The following ASH1L variants were observed in gnomAD, a reference collection of about 807,000 sequenced individuals.
ASH1L encodes the protein histone-lysine N-methyltransferase ASH1L.
ASH1L carries 23 observed loss-of-function variants against 269.0 expected under a neutral mutation model. The observed-to-expected ratio is 0.09, with a 90% CI of 0.06 to 0.12. The LOEUF (loss-of-function observed/expected upper bound fraction) is 0.12. Ranked by LOEUF, ASH1L falls within the 10% of genes least tolerant of loss-of-function variation. The probability of loss-of-function intolerance (pLI) is 1.00; values close to 1 mark genes in which losing one functional copy is unlikely to be tolerated. For synonymous variants in ASH1L, 1,187 were observed against 1,253.5 expected (o/e 0.95, Z 1.12); for missense variants, 2,912 against 3,567.8 (o/e 0.82, Z 4.68).
At chr1:155,339,648 A>G (rs1442819112) in intron 25 of ASH1L, among the ~76,000 whole-genome samples, 1 of 152,190 alleles carries the variant, frequency 6.6e-6, no homozygotes, top group African/African-American at 2.4e-5. Flanking sequence ...ATACGGGGAT[A>G]TGTTCTGAGA....
chr1:155,498,554 C>A (rs1324623836), intron 2 of ASH1L, among the ~76,000 whole-genome samples: 2 of 151,868 alleles, frequency 1.3e-5, no homozygotes, highest in Admixed American at 6.6e-5. Context: ...CGATTCTCCT[C>A]CCTCAGCCTT....
In ASH1L at chr1:155,378,563, G is replaced by A. The variant is rs762689467; in HGVS notation, c.6178-15C>T. On this transcript the variant is annotated splice_polypyrimidine_tract_variant and intron_variant, in intron 8 of 27. Coordinates refer to ENST00000392403, the MANE Select transcript of ASH1L (RefSeq NM_018489.3). ...TTTTTGTATAGCTAGAAGAAAAGAA[G>A]AAAAATCTTGATATAGCATTTAACT... The A allele has an allele frequency of 1.3e-6, 2 of 1,599,094 alleles. No individual in the cohort carries two copies. Among genetic ancestry groups the A allele is most frequent in the Admixed American group, 1.7e-5 (1 of 57,924 alleles).
chr1:155,372,293 G>GT (rs71589997), intron 10 of ASH1L, among the ~76,000 whole-genome samples: 15,631 of 139,666 alleles, frequency 0.11, 1,043 homozygotes, highest in Non-Finnish European at 0.17. Flanking sequence ...TGCCCAGCCA[G>GT]TTTTTTTTTT....
chr1:155,448,888 A>T (rs1475075884), intron 4 of ASH1L, among the ~76,000 whole-genome samples: 1 of 151,734 alleles, frequency 6.6e-6, no homozygotes, highest in Non-Finnish European at 1.5e-5. Context: ...GGTGTTTAAT[A>T]ATCTCAGCTA....
intron 4 of ASH1L, among the ~76,000 whole-genome samples, chr1:155,458,717 A>AAACCAACC (rs373281175): frequency 0.01 from 1,537 of 150,740 alleles, 14 homozygotes; most frequent in African/African-American, 0.023. Context: ...ACTCATCTCA[A>AAACCAACC]AACCAACCAA....
At chr1:155,411,751 T>A (rs1467365746) in intron 6 of ASH1L, among the ~76,000 whole-genome samples, 1 of 150,420 alleles carries the variant, frequency 6.6e-6, no homozygotes, top group East Asian at 2.0e-4. Flanking sequence ...TTCACCTACC[T>A]AAGGCAGGAC....
intron 14 of ASH1L, 23 bp from the exon 15 acceptor site, chr1:155,357,433 T>C: frequency 6.2e-7 from 1 of 1,602,760 alleles, no homozygotes; most frequent in Non-Finnish European, 8.5e-7. Flanking sequence ...TGGATCAGAT[T>C]AGAGATTTAA....
chr1:155,527,022 C>G (rs186929906), intron 1 of ASH1L, among the ~76,000 whole-genome samples: 1 of 152,178 alleles, frequency 6.6e-6, no homozygotes, highest in East Asian at 1.9e-4. Flanking sequence ...GCTTGGCCAA[C>G]GTGGTGAAAC....
rs1322454493 is a variant in ASH1L, at chr1:155,562,604, G to A, written c.-551C>T. On this transcript the variant is annotated 5_prime_UTR_variant, in exon 1 of 28. Transcript: ENST00000392403. ...GTCCGCGTAGCGCGCACGCCCGCCC[G>A]CACGCGTACGAGTGTCTACGGGCTC... 1.3e-6 allele frequency: 2 copies of A among 1,527,936 alleles called. No individual in the cohort carries two copies. Among genetic ancestry groups the A allele is most frequent in the Admixed American group, 4.0e-5 (2 of 50,612 alleles). 94.6% of individuals were successfully genotyped at this position (1,527,936 alleles called of 1,614,324 possible).
At chr1:155,433,836 A>ATG (rs1387191153) in intron 5 of ASH1L, 1 of 1,606,850 alleles carries the variant, frequency 6.2e-7, no homozygotes, top group Admixed American at 1.7e-5. Flanking sequence ...AATCTTCAGG[A>ATG]GACATGCAAA....
At position 155,481,196 on chromosome 1, in the gene ASH1L, T is replaced by C; in HGVS notation, c.1674A>G (p.Pro558=). ...AAGGATTAACAGATACAGTAGGTGATGGGGAAGGGAGATTGCTTTCTCCTA... is the reference window on the plus strand; with the variant it reads ...AAGGATTAACAGATACAGTAGGTGACGGGGAAGGGAGATTGCTTTCTCCTA... ...SAVGESNLPS[P]SPTVSVNPLT... Residue 558 remains proline, a synonymous_variant, in exon 3 of 28, where the codon CCA becomes CCG. Transcript: ENST00000392403. 6 of 1,613,938 alleles carry C rather than the reference T, an allele frequency of 3.7e-6. No individual in the cohort carries two copies. Among genetic ancestry groups the C allele is most frequent in the Non-Finnish European group, 5.1e-6 (6 of 1,179,896 alleles).
intron 2 of ASH1L, among the ~76,000 whole-genome samples, chr1:155,511,775 A>T (rs1668177194): frequency 6.6e-6 from 1 of 152,120 alleles, no homozygotes. Context: ...AACTGCTGGG[A>T]TTACAGGGGT....
intron 1 of ASH1L, among the ~76,000 whole-genome samples, chr1:155,552,020 C>T (rs942677383): frequency 2.0e-5 from 3 of 151,970 alleles, no homozygotes; most frequent in Non-Finnish European, 4.4e-5. Flanking sequence ...AATATACTGG[C>T]TAACAGTATG....
intron 2 of ASH1L, among the ~76,000 whole-genome samples, chr1:155,518,436 CA>C (rs1262614133): frequency 6.6e-6 from 1 of 151,652 alleles, no homozygotes; most frequent in African/African-American, 2.4e-5. Context: ...TCAGAGGACA[CA>C]AAAGGAAATT....
intron 13 of ASH1L, among the ~76,000 whole-genome samples, chr1:155,359,668 C>T (rs574859756): frequency 4.0e-5 from 6 of 151,746 alleles, no homozygotes; most frequent in Middle Eastern, 3.4e-3. Flanking sequence ...CTCCACCTCC[C>T]GGGCTCAAGC....
At chr1:155,486,522 T>C (rs779926649) in intron 2 of ASH1L, among the ~76,000 whole-genome samples, 6 of 152,134 alleles carry the variant, frequency 3.9e-5, no homozygotes, top group Non-Finnish European at 7.4e-5. Context: ...TTGTACATTT[T>C]GAAATAACTA....
chr1:155,541,688 T>G (rs1412980374), intron 1 of ASH1L, among the ~76,000 whole-genome samples: 1 of 152,202 alleles, frequency 6.6e-6, no homozygotes, highest in Non-Finnish European at 1.5e-5. Context: ...TTCATATTTA[T>G]GTACTCTATA....
At chr1:155,397,911 G>T (rs1379648667) in intron 6 of ASH1L, among the ~76,000 whole-genome samples, 1 of 152,044 alleles carries the variant, frequency 6.6e-6, no homozygotes, top group Admixed American at 6.6e-5. Context: ...TGTGCTTTAG[G>T]AAAATATTAA....
At chr1:155,388,053 T>C (rs954339979) in intron 7 of ASH1L, among the ~76,000 whole-genome samples, 1 of 152,084 alleles carries the variant, frequency 6.6e-6, no homozygotes, top group Non-Finnish European at 1.5e-5. Context: ...CACTCCCCAG[T>C]GGGTGTTTGC....
Sources: allele counts gnomAD v4.1 joint callset (sites outside exome capture counted in the v4.1 genomes callset), GRCh38; gene constraint gnomAD v4.1.1; transcripts MANE v1.5; gene names NCBI Gene and HGNC (gene_info 2026-07-23, HGNC 2026-07-21).